COPE: variants seen among roughly 807,000 people sequenced by gnomAD.
COPE encodes the protein coat protein complex I subunit epsilon.
COPE carries 19 observed loss-of-function variants against 42.1 expected under a neutral mutation model. That is an observed-to-expected ratio of 0.45 (90% confidence interval 0.31 to 0.66). The LOEUF is 0.66. Ranked by LOEUF, COPE falls within the 30% of genes least tolerant of loss-of-function variation. The pLI, the probability that COPE is intolerant of heterozygous loss-of-function variation, is 0.05. For synonymous variants in COPE, 195 were observed against 181.3 expected (o/e 1.08, Z -0.60); for missense variants, 402 against 416.1 (o/e 0.97, Z 0.30).
intron 5 of COPE, 117 bp from the exon 6 acceptor site, chr19:18,904,969 CCA>C (rs1212914114): frequency 3.0e-6 from 3 of 986,238 alleles, no homozygotes; most frequent in Non-Finnish European, 4.6e-6. Context: ...GCTTTGTGCT[CCA>C]CTGCATGCTC....
At chr19:18,916,224 G>A (rs1306335658) in intron 1 of COPE, among the ~76,000 whole-genome samples, 1 of 146,416 alleles carries the variant, frequency 6.8e-6, no homozygotes, top group Non-Finnish European at 1.5e-5. Flanking sequence ...GTGGTGGCAG[G>A]CACCTGTAAT....
intron 3 of COPE, among the ~76,000 whole-genome samples, chr19:18,908,089 C>A (rs1231879779): frequency 6.6e-6 from 1 of 152,166 alleles, no homozygotes; most frequent in Non-Finnish European, 1.5e-5. Flanking sequence ...ATAAACACTG[C>A]CAGTTGTCGT....
In COPE at chr19:18,899,659, C is replaced by T; in HGVS notation, c.*20G>A. ...TGGCCTCTGTCCTGGCTTCATGGTC[C>T]TGACAGCTCTGGGCCAGCCTCAGGC... On this transcript the variant is annotated 3_prime_UTR_variant, in exon 10 of 10. Coordinates refer to ENST00000262812, the MANE Select transcript of COPE (RefSeq NM_007263.4). The T allele has an allele frequency of 1.2e-6, 2 of 1,613,248 alleles. No homozygotes were observed. Among genetic ancestry groups the T allele is most frequent in the Non-Finnish European group, 1.7e-6 (2 of 1,179,918 alleles).
At chr19:18,911,523 C>T (rs1248720210) in intron 2 of COPE, 1 of 184,736 alleles carries the variant, frequency 5.4e-6, no homozygotes, top group East Asian at 1.3e-4. Flanking sequence ...GCCCGTCCCT[C>T]ATTGTGTTCC....
chr19:18,902,356 C>T (rs2056707610), intron 7 of COPE, among the ~76,000 whole-genome samples: 2 of 150,730 alleles, frequency 1.3e-5, no homozygotes, highest in Non-Finnish European at 3.0e-5. Flanking sequence ...TTTAACATAA[C>T]ATAAACTCTT....
intron 1 of COPE, among the ~76,000 whole-genome samples, chr19:18,916,941 T>G (rs2056858539): frequency 2.2e-5 from 2 of 91,388 alleles, no homozygotes; most frequent in African/African-American, 9.2e-5. Flanking sequence ...TGAGATCCTG[T>G]CTCAAAAAAA....
At chr19:18,900,078 G>C in intron 8 of COPE, 131 bp from the exon 9 acceptor site, 1 of 748,284 alleles carries the variant, frequency 1.3e-6, no homozygotes, top group Non-Finnish European at 2.1e-6. Flanking sequence ...CTTGGGACTG[G>C]GCTGATCTCG....
chr19:18,902,510 C>G (rs1268221431), intron 7 of COPE, among the ~76,000 whole-genome samples: 1 of 148,348 alleles, frequency 6.7e-6, no homozygotes, highest in Non-Finnish European at 1.5e-5. Context: ...ACTAAAAATA[C>G]AAAAATTAGC....
Position 18,907,059 on chromosome 19 carries a change from G to A in COPE, c.344C>T (p.Thr115Ile). 1 of 1,609,474 alleles carries A rather than the reference G, an allele frequency of 6.2e-7. No individual in the cohort carries two copies. Among genetic ancestry groups the A allele is most frequent in the Admixed American group, 1.7e-5 (1 of 59,430 alleles). Residue 115 changes from threonine (T) to isoleucine (I), a missense_variant, in exon 4 of 10, where the codon ACC (threonine) becomes ATC (isoleucine). By Grantham distance (89) the Thr-to-Ile change is moderately conservative. Coordinates refer to ENST00000262812, the MANE Select transcript of COPE (RefSeq NM_007263.4). Reference sequence around the variant, plus strand: ...GGCCATGAGCAGGAAGGTGGTGTTGGTCACGTCCACGCTCCTGCTCATCTC... The same window carrying A: ...GGCCATGAGCAGGAAGGTGGTGTTGATCACGTCCACGCTCCTGCTCATCTC... ...DREMSRSVDVTNTTFLLMAAS... is the reference protein window; with the variant it reads ...DREMSRSVDVINTTFLLMAAS...
rs890951365 is a variant in COPE, at chr19:18,911,184, C to A, written c.190-113G>T. 6.0e-5 allele frequency: 55 copies of A among 921,372 alleles called. No homozygotes were observed. In the Admixed American group the frequency reaches 7.8e-4, roughly 13 times the overall value. 57.1% of individuals were successfully genotyped at this position (921,372 alleles called of 1,614,324 possible). On this transcript the variant is annotated intron_variant, in intron 2 of 9. Transcript: ENST00000262812. ...AGTCCCTGCCCCACCAGGGACCCCT[C>A]AGCCCAGCATGGGCCACCTCCACTG...
intron 7 of COPE, among the ~76,000 whole-genome samples, chr19:18,901,369 T>C (rs981665238): frequency 3.9e-5 from 6 of 152,138 alleles, no homozygotes; most frequent in Non-Finnish European, 8.8e-5. Context: ...GGCAGGGTGG[T>C]GGAGGAGGGC....
intron 7 of COPE, among the ~76,000 whole-genome samples, 171 bp downstream of exon 7, chr19:18,903,097 A>G (rs1244088415): frequency 6.6e-6 from 1 of 152,102 alleles, no homozygotes; most frequent in Non-Finnish European, 1.5e-5. Flanking sequence ...ATTTCTTTGC[A>G]GGTGAGATCC....
intron 1 of COPE, among the ~76,000 whole-genome samples, chr19:18,914,507 C>T (rs2056837641): frequency 6.6e-6 from 1 of 151,938 alleles, no homozygotes; most frequent in African/African-American, 2.4e-5. Flanking sequence ...CGCCATTGCA[C>T]TCCAGCCTAG....
rs1455443203 is a variant in COPE, at chr19:18,903,349, C to T, written c.654G>A (p.Leu218=). The T allele has an allele frequency of 6.2e-7, 1 of 1,612,696 alleles. No individual in the cohort carries two copies. Among genetic ancestry groups the T allele is most frequent in the East Asian group, 2.2e-5 (1 of 44,780 alleles). ...MADKCSPTLL[L]LNGQAACHMA... ...TGTGGCAGGCCGCCTGCCCATTGAG[C>T]AGCAGCAGGGTGGGCGAGCACTTGT... The change falls in exon 7 of 10, where the codon CTG becomes CTA. Residue 218 remains leucine (L), a synonymous_variant. Coordinates refer to ENST00000262812, the MANE Select transcript of COPE (RefSeq NM_007263.4).
chr19:18,903,961 C>CG (rs1013478309), intron 6 of COPE, among the ~76,000 whole-genome samples: 2 of 152,178 alleles, frequency 1.3e-5, no homozygotes, highest in African/African-American at 4.8e-5. Flanking sequence ...CGGGCAGGGA[C>CG]GGGGAGCACA....
chr19:18,904,986 C>G, intron 5 of COPE, 134 bp from the exon 6 acceptor site: 3 of 873,284 alleles, frequency 3.4e-6, no homozygotes, highest in Non-Finnish European at 5.4e-6. Flanking sequence ...ATGCTCATAC[C>G]CCACGACTAA....
At chr19:18,904,685 G>C in intron 6 of COPE, 86 bp downstream of exon 6, 1 of 1,204,990 alleles carries the variant, frequency 8.3e-7, no homozygotes, top group Non-Finnish European at 1.2e-6. Context: ...GGAGTGGCCA[G>C]CAGCCTACGC....
At chr19:18,916,571 T>C (rs1485853735) in intron 1 of COPE, among the ~76,000 whole-genome samples, 2 of 151,288 alleles carry the variant, frequency 1.3e-5, no homozygotes, top group Non-Finnish European at 2.9e-5. Flanking sequence ...AGGCGGATCA[T>C]GAGGTCAGGA....
At chr19:18,902,582 T>C (rs2056710377) in intron 7 of COPE, among the ~76,000 whole-genome samples, 1 of 144,036 alleles carries the variant, frequency 6.9e-6, no homozygotes, top group African/African-American at 2.6e-5. Flanking sequence ...AAAGAATCAC[T>C]TGAACCCAGG....
Sources: allele counts gnomAD v4.1 joint callset (sites outside exome capture counted in the v4.1 genomes callset), GRCh38; gene constraint gnomAD v4.1.1; transcripts MANE v1.5; gene names NCBI Gene and HGNC (gene_info 2026-07-23, HGNC 2026-07-21).